FHIT: variants seen among roughly 807,000 people sequenced by gnomAD.
FHIT encodes fragile histidine triad diadenosine triphosphatase.
A neutral mutation model predicts 17.9 loss-of-function variants in FHIT; 19 were observed. The observed-to-expected ratio is 1.06, with a 90% CI of 0.74 to 1.56. The LOEUF (loss-of-function observed/expected upper bound fraction) is 1.56, where lower values mean the gene tolerates loss of function less well. FHIT is among the 40% of genes most tolerant of loss of function. The pLI, the probability that FHIT is intolerant of heterozygous loss-of-function variation, is 0.00. For synonymous variants in FHIT, 81 were observed against 69.7 expected, an observed-to-expected ratio of 1.16 and a Z score of -0.81; for missense variants, 248 against 189.2, an observed-to-expected ratio of 1.31 and a Z score of -1.82.
At chr3:60,486,662 A>T (rs946579099) in intron 5 of FHIT, among the ~76,000 whole-genome samples, 1 of 152,184 alleles carries the variant, frequency 6.6e-6, no homozygotes, top group African/African-American at 2.4e-5. Flanking sequence ...AGTAAATCTT[A>T]ATAACTTCAA....
intron 5 of FHIT, among the ~76,000 whole-genome samples, chr3:60,242,454 AT>A (rs1202124925): frequency 6.6e-6 from 1 of 152,000 alleles, no homozygotes; most frequent in Non-Finnish European, 1.5e-5. Flanking sequence ...CATGTTCTAT[AT>A]TCGTGTGTAT....
intron 5 of FHIT, among the ~76,000 whole-genome samples, chr3:60,296,359 T>C (rs1708209986): frequency 6.6e-6 from 1 of 152,132 alleles, no homozygotes; most frequent in Non-Finnish European, 1.5e-5. Flanking sequence ...TTGTCACCAC[T>C]TGTCACTCTC....
intron 5 of FHIT, among the ~76,000 whole-genome samples, chr3:60,475,752 ACTT>A (rs2033314107): frequency 6.6e-6 from 1 of 152,184 alleles, no homozygotes. Context: ...CAAATCTGAC[ACTT>A]CTTGAGTGCT....
intron 4 of FHIT, among the ~76,000 whole-genome samples, chr3:60,577,955 T>A (rs2037624635): frequency 6.6e-6 from 1 of 152,142 alleles, no homozygotes; most frequent in Non-Finnish European, 1.5e-5. Context: ...AGGGATCACT[T>A]TAAGTTCCTA....
intron 5 of FHIT, among the ~76,000 whole-genome samples, chr3:60,355,919 T>C (rs1375045367): frequency 6.6e-6 from 1 of 152,186 alleles, no homozygotes; most frequent in African/African-American, 2.4e-5. Flanking sequence ...CTTATGATGA[T>C]TTTGTTTAAT....
Position 60,132,368 on chromosome 3 carries a change from T to C in FHIT, c.104-118216A>G, listed in dbSNP as rs559812156. 4.1e-4 allele frequency among the ~76,000 whole-genome samples: 62 copies of C among 152,326 alleles called. 1 individual carries two copies. The South Asian group carries it at 9.3e-3, about 23-fold the overall frequency. On this transcript the variant is annotated intron_variant, in intron 5 of 9. Transcript: ENST00000492590. ...GCTCAGGTTAGATGGTCACTAGTTA[T>C]GTATTTGTTAAACGAATGAACATAT...
rs1009566186 is a variant in FHIT, at chr3:60,858,051, T to C, written c.-110-36040A>G. 6.6e-5 allele frequency among the ~76,000 whole-genome samples: 10 copies of C among 152,246 alleles called. No individual in the cohort carries two copies. The South Asian group carries it at 8.3e-4, about 13-fold the overall frequency. On this transcript the variant is annotated intron_variant, in intron 3 of 9. Transcript: ENST00000492590. The stretch of plus-strand genomic sequence containing the variant: ...AAGTACTAGTGCTCACCTGAGCACA[T>C]GACTTCCTTATGATCAGGTAGGTCC...
At position 60,457,976 on chromosome 3, in the gene FHIT, C is replaced by T. The variant is rs139492895; in HGVS notation, c.103+78884G>A. Among the ~76,000 whole-genome samples the T allele has an allele frequency of 5.7e-4, 87 of 152,248 alleles. No homozygotes were observed. The Middle Eastern group carries it at 0.014, about 24-fold the overall frequency. On this transcript the variant is annotated intron_variant, in intron 5 of 9. Transcript: ENST00000492590. Reference sequence around the variant, plus strand: ...GTGGAGAAATAGGAACACTTTTACACTGTTGGTAGGAATGTAAACTACTTC... The same window carrying T: ...GTGGAGAAATAGGAACACTTTTACATTGTTGGTAGGAATGTAAACTACTTC...
chr3:60,645,365 G>C (rs2039830774), intron 4 of FHIT, among the ~76,000 whole-genome samples: 1 of 152,256 alleles, frequency 6.6e-6, no homozygotes, highest in South Asian at 2.1e-4. Flanking sequence ...TCAAATGCAT[G>C]GGCCCTCTAA....
intron 5 of FHIT, among the ~76,000 whole-genome samples, chr3:60,459,371 A>T (rs9834447): frequency 1.3e-5 from 2 of 152,192 alleles, no homozygotes; most frequent in Non-Finnish European, 2.9e-5. Flanking sequence ...TCAAAGATCA[A>T]TTAACTAAAA....
chr3:59,890,613 A>C (rs1703814265), intron 8 of FHIT, among the ~76,000 whole-genome samples: 1 of 152,190 alleles, frequency 6.6e-6, no homozygotes, highest in Non-Finnish European at 1.5e-5. Context: ...GAAATCAGCC[A>C]AACCAGCTTA....
At chr3:60,611,487 C>T (rs1184637090) in intron 4 of FHIT, among the ~76,000 whole-genome samples, 2 of 152,110 alleles carry the variant, frequency 1.3e-5, no homozygotes, top group African/African-American at 4.8e-5. Flanking sequence ...AAAACTGAAA[C>T]CTCTGGCATA....
In FHIT at chr3:61,198,158, A is replaced by G. The variant is rs566927470; in HGVS notation, c.-164+2459T>C. On this transcript the variant is annotated intron_variant, in intron 2 of 9. Coordinates refer to ENST00000492590, the MANE Select transcript of FHIT (RefSeq NM_002012.4). ...CAATGAGGGTTCTGTAGTTGCAAGC[A>G]GAAGAAACAAATTGGCTAATTTAAG... Among the ~76,000 whole-genome samples the G allele has an allele frequency of 2.0e-5, 3 of 152,142 alleles. No individual in the cohort carries two copies. The East Asian group carries it at 5.8e-4, about 29-fold the overall frequency.
At position 60,344,848 on chromosome 3, in the gene FHIT, T is replaced by A. The variant is rs1021270862; in HGVS notation, c.103+192012A>T. 3.3e-5 allele frequency among the ~76,000 whole-genome samples: 5 copies of A among 151,514 alleles called. No homozygotes were observed. The South Asian group carries it at 6.3e-4, about 19-fold the overall frequency. On this transcript the variant is annotated intron_variant, in intron 5 of 9. Coordinates refer to ENST00000492590, the MANE Select transcript of FHIT (RefSeq NM_002012.4). Reference sequence around the variant, plus strand: ...AAGAATTTTATTAGCCAAGATATCATAAAAGTCTACATTTTAAGATTTTTT... The same window carrying A: ...AAGAATTTTATTAGCCAAGATATCAAAAAAGTCTACATTTTAAGATTTTTT...
chr3:60,150,937 T>C (rs560952105), intron 5 of FHIT, among the ~76,000 whole-genome samples: 38 of 152,176 alleles, frequency 2.5e-4, no homozygotes, highest in Non-Finnish European at 4.0e-4. Flanking sequence ...AAAAAGGATT[T>C]AATTTTTAAA....
chr3:61,073,429 T>C (rs979127924), intron 2 of FHIT, among the ~76,000 whole-genome samples: 2 of 152,224 alleles, frequency 1.3e-5, no homozygotes, highest in Non-Finnish European at 2.9e-5. Flanking sequence ...CAACCTCCTC[T>C]TCCCATATTC....
intron 2 of FHIT, among the ~76,000 whole-genome samples, chr3:61,107,027 A>G (rs945364107): frequency 2.0e-5 from 3 of 152,174 alleles, no homozygotes; most frequent in African/African-American, 7.2e-5. Flanking sequence ...AAAATAATAC[A>G]TGGTTATTAA....
intron 5 of FHIT, among the ~76,000 whole-genome samples, chr3:60,480,318 A>C (rs2033552121): frequency 6.6e-6 from 1 of 152,148 alleles, no homozygotes; most frequent in South Asian, 2.1e-4. Flanking sequence ...TCAAGAGGAG[A>C]TTTGAATGGC....
intron 4 of FHIT, among the ~76,000 whole-genome samples, chr3:60,647,528 T>C (rs1437437114): frequency 6.6e-6 from 1 of 152,160 alleles, no homozygotes; most frequent in African/African-American, 2.4e-5. Flanking sequence ...CTTGCCCAGG[T>C]TTATCCCTGG....
Sources: allele counts gnomAD v4.1 joint callset (sites outside exome capture counted in the v4.1 genomes callset), GRCh38; gene constraint gnomAD v4.1.1; transcripts MANE v1.5; gene names NCBI Gene and HGNC (gene_info 2026-07-23, HGNC 2026-07-21).